GLG1: variants seen among roughly 807,000 people sequenced by gnomAD.
The protein encoded by GLG1 is Golgi apparatus protein 1.
GLG1 carries 38 observed loss-of-function variants against 160.5 expected under a neutral mutation model. The observed-to-expected ratio is 0.24, with a 90% CI of 0.18 to 0.31. GLG1 has a LOEUF of 0.31. Among genes scored for constraint, GLG1 ranks in the 10% least tolerant of loss-of-function variants. GLG1 has a pLI of 1.00. For synonymous variants in GLG1, 644 were observed against 543.4 expected (o/e 1.19, Z -2.57); for missense variants, 1,373 against 1,505.2 (o/e 0.91, Z 1.45).
intron 1 of GLG1, among the ~76,000 whole-genome samples, chr16:74,605,302 T>C (rs977443385): frequency 2.0e-5 from 3 of 151,296 alleles, no homozygotes; most frequent in African/African-American, 7.3e-5. Flanking sequence ...ATGAAGGATA[T>C]ATACACTCCT....
chr16:74,585,875 C>T (rs1028874269), intron 1 of GLG1, among the ~76,000 whole-genome samples: 12 of 151,866 alleles, frequency 7.9e-5, no homozygotes, highest in Non-Finnish European at 1.5e-4. Context: ...CCAGCCTGGC[C>T]ATTATGATAA....
Position 74,531,730 on chromosome 16 carries a change from C to T in GLG1, c.471+391G>A, listed in dbSNP as rs1277906714. ...TAGACTTCTACCAAAGCACCCAATA[C>T]TTTTTGCACAGAGTTGATTTCACAT... On this transcript the variant is annotated intron_variant, in intron 2 of 25. Transcript: ENST00000422840. Among the ~76,000 whole-genome samples the T allele has an allele frequency of 3.3e-5, 5 of 152,220 alleles. No individual in the cohort carries two copies. In the East Asian group the frequency reaches 9.6e-4, roughly 29 times the overall value.
intron 1 of GLG1, among the ~76,000 whole-genome samples, chr16:74,565,220 T>A (rs1031346421): frequency 6.6e-6 from 1 of 151,988 alleles, no homozygotes. Context: ...TCCCAGGTAC[T>A]TGGGAGGCTG....
At chr16:74,590,346 C>T (rs926306880) in intron 1 of GLG1, among the ~76,000 whole-genome samples, 2 of 151,752 alleles carry the variant, frequency 1.3e-5, no homozygotes, top group Admixed American at 6.6e-5. Flanking sequence ...GGCCAGGTGC[C>T]ATGGCTCACG....
intron 1 of GLG1, among the ~76,000 whole-genome samples, chr16:74,575,049 C>T (rs894394132): frequency 9.4e-6 from 1 of 105,998 alleles, no homozygotes; most frequent in African/African-American, 3.8e-5. Flanking sequence ...GAGTTCAAGA[C>T]CAGCCTGCTC....
At chr16:74,581,294 T>G (rs577457005) in intron 1 of GLG1, among the ~76,000 whole-genome samples, 2 of 152,108 alleles carry the variant, frequency 1.3e-5, no homozygotes, top group African/African-American at 2.4e-5. Flanking sequence ...ATACGTATAA[T>G]GGAATGTTAT....
intron 2 of GLG1, among the ~76,000 whole-genome samples, chr16:74,530,863 C>T (rs1416979177): frequency 6.6e-6 from 1 of 152,086 alleles, no homozygotes; most frequent in Non-Finnish European, 1.5e-5. Context: ...AATTTTTATG[C>T]TTTTGATTCT....
intron 7 of GLG1, among the ~76,000 whole-genome samples, chr16:74,491,461 G>A (rs1170867109): frequency 6.6e-6 from 1 of 152,002 alleles, no homozygotes; most frequent in Non-Finnish European, 1.5e-5. Context: ...CACTAATAAT[G>A]CAAATGCTTT....
chr16:74,460,070 G>C (rs111546302), intron 22 of GLG1, among the ~76,000 whole-genome samples: 3,955 of 150,618 alleles, frequency 0.026, 107 homozygotes, highest in African/African-American at 0.071. Flanking sequence ...TGCCCAGGCT[G>C]AAGTACAATG....
intron 25 of GLG1, among the ~76,000 whole-genome samples, chr16:74,455,723 T>C (rs1218612605): frequency 6.6e-6 from 1 of 152,190 alleles, no homozygotes; most frequent in Non-Finnish European, 1.5e-5. Flanking sequence ...CCACTGCAGA[T>C]GTCTATCCCA....
At chr16:74,584,194 TTAA>T (rs1188515942) in intron 1 of GLG1, among the ~76,000 whole-genome samples, 1 of 152,134 alleles carries the variant, frequency 6.6e-6, no homozygotes, top group African/African-American at 2.4e-5. Context: ...CAAAACTAAG[TTAA>T]TATAGACATT....
chr16:74,591,285 C>T (rs972499178), intron 1 of GLG1, among the ~76,000 whole-genome samples: 4 of 151,022 alleles, frequency 2.6e-5, no homozygotes, highest in Non-Finnish European at 5.9e-5. Context: ...GAGCCAACAT[C>T]GTGCCACTGC....
In GLG1 at chr16:74,491,042, G is replaced by T; in HGVS notation, c.1408C>A (p.Arg470=). The T allele has an allele frequency of 6.2e-7, 1 of 1,614,016 alleles. No homozygotes were observed. The highest frequency in any genetic ancestry group is 8.5e-7 in the Non-Finnish European group (1 of 1,179,952). ...RTLHCLMKVV[R]GEKGNLGMNC... is the part of the protein sequence containing the mutation. ...ATTCCAAGGTTCCCCTTCTCCCCTC[G>T]AACTACTTTCATCAGACAGTGTAGG... The change falls in exon 8 of 26, where the codon CGA becomes AGA. Residue 470 remains arginine (R), a synonymous_variant. Coordinates refer to ENST00000422840, the MANE Select transcript of GLG1 (RefSeq NM_001145667.2).
At chr16:74,469,335 T>A (rs1044903581) in intron 16 of GLG1, 13 of 471,320 alleles carry the variant, frequency 2.8e-5, no homozygotes, top group Admixed American at 1.0e-4. Context: ...CAGTTCAACA[T>A]CTGTGTTAAA....
At chr16:74,604,191 T>C (rs967080920) in intron 1 of GLG1, among the ~76,000 whole-genome samples, 18 of 152,064 alleles carry the variant, frequency 1.2e-4, no homozygotes, top group Admixed American at 9.8e-4. Flanking sequence ...CCTGTCTCCA[T>C]AATAAAAAAT....
chr16:74,518,418 T>C (rs1425704596), intron 2 of GLG1, among the ~76,000 whole-genome samples: 1 of 152,172 alleles, frequency 6.6e-6, no homozygotes, highest in Non-Finnish European at 1.5e-5. Flanking sequence ...CATCTGATCT[T>C]TGACAAACCT....
chr16:74,465,586 G>A, intron 19 of GLG1, 90 bp downstream of exon 19: 1 of 1,357,668 alleles, frequency 7.4e-7, no homozygotes, highest in East Asian at 2.3e-5. Context: ...CACACTTTGA[G>A]AAAGCTGAGC....
intron 1 of GLG1, among the ~76,000 whole-genome samples, chr16:74,593,148 A>G (rs1958221347): frequency 6.6e-6 from 1 of 152,204 alleles, no homozygotes; most frequent in Non-Finnish European, 1.5e-5. Flanking sequence ...ACCATGAGCC[A>G]AATAAATATT....
At chr16:74,475,829 TAAAGGA>T (rs921339371) in intron 12 of GLG1, among the ~76,000 whole-genome samples, 138 of 152,168 alleles carry the variant, frequency 9.1e-4, no homozygotes, top group East Asian at 3.1e-3. Context: ...ATAAAAAAGC[TAAAGGA>T]AAATACCCCA....
Sources: allele counts gnomAD v4.1 joint callset (sites outside exome capture counted in the v4.1 genomes callset), GRCh38; gene constraint gnomAD v4.1.1; transcripts MANE v1.5; gene names NCBI Gene and HGNC (gene_info 2026-07-23, HGNC 2026-07-21).